TBCK: variants seen among roughly 807,000 people sequenced by gnomAD.
The protein encoded by TBCK is TBC1 domain containing kinase.
A neutral mutation model predicts 113.4 loss-of-function variants in TBCK; 99 were observed. The observed-to-expected ratio is 0.87, with a 90% confidence interval of 0.74 to 1.03. The LOEUF is 1.03. Ranked by LOEUF, TBCK falls within the 50% of genes least tolerant of loss-of-function variation. The pLI, the probability that TBCK is intolerant of heterozygous loss-of-function variation, is 0.00. For missense variants in TBCK, 1,045 were observed against 1,061.3 expected (o/e 0.98, Z 0.21); for synonymous variants, 369 against 370.8 (o/e 1.00, Z 0.05).
At chr4:106,245,848 T>C (rs1173650306) in intron 10 of TBCK, among the ~76,000 whole-genome samples, 3 of 152,164 alleles carry the variant, frequency 2.0e-5, no homozygotes, top group African/African-American at 4.8e-5. Context: ...AATTTGTTTT[T>C]TCCCTATAAG....
intron 5 of TBCK, among the ~76,000 whole-genome samples, chr4:106,256,038 C>T (rs934110033): frequency 2.0e-5 from 3 of 152,174 alleles, no homozygotes; most frequent in African/African-American, 7.2e-5. Context: ...CTCCTCTCTA[C>T]AGCTGGCCAT....
chr4:106,161,596 G>T (rs1448347536), intron 23 of TBCK, among the ~76,000 whole-genome samples: 4 of 152,042 alleles, frequency 2.6e-5, no homozygotes, highest in Non-Finnish European at 5.9e-5. Context: ...TATTAGCTCA[G>T]CTATTTGCAT....
At chr4:106,142,932 T>C (rs893315841) in intron 23 of TBCK, among the ~76,000 whole-genome samples, 1 of 152,188 alleles carries the variant, frequency 6.6e-6, no homozygotes, top group Non-Finnish European at 1.5e-5. Flanking sequence ...AATATGTTAA[T>C]ACTGTGTCAA....
At chr4:106,313,164 T>C (rs1768376516) in intron 1 of TBCK, among the ~76,000 whole-genome samples, 1 of 152,188 alleles carries the variant, frequency 6.6e-6, no homozygotes, top group African/African-American at 2.4e-5. Flanking sequence ...ACTAGAAAAT[T>C]GTAAACATTT....
intron 11 of TBCK, 111 bp from the exon 12 acceptor site, chr4:106,242,680 C>G (rs1306921870): frequency 1.7e-6 from 1 of 597,760 alleles, no homozygotes; most frequent in African/African-American, 1.9e-5. Context: ...AAGAATTAAA[C>G]TTTAGACTGG....
At chr4:106,072,925 G>A (rs1442074510) in intron 25 of TBCK, among the ~76,000 whole-genome samples, 4 of 152,076 alleles carry the variant, frequency 2.6e-5, no homozygotes, top group Admixed American at 1.3e-4. Flanking sequence ...CATAGCTCTC[G>A]TGCCATGGTT....
intron 25 of TBCK, among the ~76,000 whole-genome samples, chr4:106,088,605 CCA>C (rs1174743725): frequency 9.9e-5 from 15 of 152,036 alleles, no homozygotes; most frequent in African/African-American, 3.6e-4. Flanking sequence ...GGGTATATAC[CCA>C]AGGAATAGAA....
At chr4:106,201,698 A>G (rs1336087236) in intron 20 of TBCK, among the ~76,000 whole-genome samples, 3 of 152,044 alleles carry the variant, frequency 2.0e-5, no homozygotes, top group Admixed American at 6.5e-5. Context: ...TCAATAGGAA[A>G]AACAAAGGAA....
intron 25 of TBCK, among the ~76,000 whole-genome samples, chr4:106,071,610 A>G (rs569375588): frequency 4.6e-5 from 7 of 152,332 alleles, no homozygotes; most frequent in African/African-American, 1.7e-4. Flanking sequence ...GATGTCTATT[A>G]GGTGTGCTTG....
chr4:106,051,027 G>A (rs1397060059), intron 25 of TBCK, among the ~76,000 whole-genome samples: 3 of 151,956 alleles, frequency 2.0e-5, no homozygotes, highest in Non-Finnish European at 4.4e-5. Flanking sequence ...CTTGGATTAA[G>A]AGACTGGCAT....
intron 15 of TBCK, among the ~76,000 whole-genome samples, chr4:106,234,353 A>G (rs1759216463): frequency 1.3e-5 from 2 of 152,142 alleles, no homozygotes; most frequent in Admixed American, 1.3e-4. Context: ...ACTAAACTCA[A>G]AGGTATTTGT....
chr4:106,121,875 G>A (rs1427498438), intron 23 of TBCK, among the ~76,000 whole-genome samples: 1 of 152,018 alleles, frequency 6.6e-6, no homozygotes, highest in Non-Finnish European at 1.5e-5. Flanking sequence ...ATTCAAAGCA[G>A]TGTGTAGAGG....
At chr4:106,154,888 T>G (rs1175590959) in intron 23 of TBCK, among the ~76,000 whole-genome samples, 1 of 152,122 alleles carries the variant, frequency 6.6e-6, no homozygotes, top group Non-Finnish European at 1.5e-5. Flanking sequence ...AGTATAAGAG[T>G]AGTTTACACA....
intron 23 of TBCK, among the ~76,000 whole-genome samples, chr4:106,126,980 C>A (rs149857876): frequency 4.6e-5 from 7 of 151,624 alleles, no homozygotes. Context: ...GAGGCCGAGG[C>A]GGGCAGATCA....
rs568930497 is a variant in TBCK at position 106,193,700 on chromosome 4, G to T, written c.1968C>A (p.Phe656Leu). 6.2e-7 allele frequency: 1 copy of T among 1,611,876 alleles called. No homozygotes were observed. The highest frequency in any genetic ancestry group is 8.5e-7 in the Non-Finnish European group (1 of 1,179,160). The change falls in exon 22 of 26, where the codon TTC becomes TTA. Residue 656 changes from phenylalanine to leucine, a missense_variant. Phe to Leu is a conservative substitution (Grantham distance 22). Coordinates refer to ENST00000394708, the MANE Select transcript of TBCK (RefSeq NM_001163435.3). ...TLLLGNSSFP[F>L]CIGVAILQQL... is the part of the protein sequence containing the mutation. ...GCTGAAGAATTGCTACTCCAATACAGAATGGGAAAGAGGAATTCCCAAGTA... is the reference window on the plus strand; with the variant it reads ...GCTGAAGAATTGCTACTCCAATACATAATGGGAAAGAGGAATTCCCAAGTA...
Position 106,230,351 on chromosome 4 carries a change from A to G in TBCK, c.1774+12T>C. ...GTTTCTCTGTAGAAAGACATGGAAGACATTTGCTTACCTTGTATTACATGT... is the reference window on the plus strand; with the variant it reads ...GTTTCTCTGTAGAAAGACATGGAAGGCATTTGCTTACCTTGTATTACATGT... On this transcript the variant is annotated intron_variant, in intron 19 of 25. Coordinates refer to ENST00000394708, the MANE Select transcript of TBCK (RefSeq NM_001163435.3). 6.6e-7 allele frequency: 1 copy of G among 1,522,890 alleles called. No individual in the cohort carries two copies. The highest frequency in any genetic ancestry group is 9.0e-7 in the Non-Finnish European group (1 of 1,108,294). The allele number at this position is 1,522,890 out of a possible 1,614,324, so 94.3% of individuals were successfully genotyped here.
chr4:106,266,269 T>TTCC (rs1762983379), intron 3 of TBCK, among the ~76,000 whole-genome samples: 1 of 151,828 alleles, frequency 6.6e-6, no homozygotes, highest in African/African-American at 2.4e-5. Flanking sequence ...AAACCTAGTT[T>TTCC]TATGAACTCA....
chr4:106,212,734 T>C lies in TBCK; in HGVS notation c.1860+16A>G. Reference sequence around the variant, plus strand: ...TTTTTTTAACCACATGTTCTATTAATGCACCAAGTACTTACATCTGGAATG... The same window carrying C: ...TTTTTTTAACCACATGTTCTATTAACGCACCAAGTACTTACATCTGGAATG... On this transcript the variant is annotated intron_variant, in intron 20 of 25. Transcript: ENST00000394708. 6 of 1,553,112 alleles carry C rather than the reference T, an allele frequency of 3.9e-6. No homozygotes were observed. The highest frequency in any genetic ancestry group is 5.3e-6 in the Non-Finnish European group (6 of 1,132,476).
intron 23 of TBCK, among the ~76,000 whole-genome samples, chr4:106,132,450 G>T (rs1487727239): frequency 6.6e-6 from 1 of 152,260 alleles, no homozygotes; most frequent in African/African-American, 2.4e-5. Flanking sequence ...CAGAAGTCAA[G>T]AATTGAGGTT....
Sources: gnomAD v4.1 joint callset for allele counts (sites outside exome capture counted in the v4.1 genomes callset) on GRCh38, gnomAD v4.1.1 for gene constraint, MANE v1.5 for transcripts, NCBI Gene and HGNC (gene_info 2026-07-23, HGNC 2026-07-21) for gene names.